The following GRK7 variants were observed in gnomAD, a reference collection of about 807,000 sequenced individuals.
The protein encoded by GRK7 is G protein-coupled receptor kinase 7.
A neutral mutation model predicts 34.1 loss-of-function variants in GRK7; 24 were observed. The ratio of observed to expected loss-of-function variants is 0.70; its 90% CI spans 0.51 to 0.99. The LOEUF (loss-of-function observed/expected upper bound fraction) is 0.99. GRK7 is among the 50% of genes least tolerant of loss of function. The pLI is 0.00. For missense variants in GRK7, 644 were observed against 707.3 expected (o/e 0.91, Z 1.02); for synonymous variants, 256 against 279.4 (o/e 0.92, Z 0.84).
the GRK7 span, among the ~76,000 whole-genome samples, chr3:141,751,644 GGAA>G: frequency 6.6e-6 from 1 of 152,158 alleles, no homozygotes; most frequent in Non-Finnish European, 1.5e-5. Flanking sequence ...ACCCTATTAA[GGAA>G]GAAAATAACA....
chr3:141,777,668 C>A (rs2084646838), intron 2 of GRK7, among the ~76,000 whole-genome samples: 1 of 151,638 alleles, frequency 6.6e-6, no homozygotes, highest in Non-Finnish European at 1.5e-5. Flanking sequence ...GCAAGCTATT[C>A]AGGGTGCATC....
chr3:141,790,378 A>C (rs185993863), intron 4 of GRK7, among the ~76,000 whole-genome samples: 22 of 152,304 alleles, frequency 1.4e-4, no homozygotes, highest in African/African-American at 4.8e-4. Flanking sequence ...TGACATTAGC[A>C]TATCTTCCCA....
chr3:141,753,775 A>G, the GRK7 span, among the ~76,000 whole-genome samples: 4 of 152,252 alleles, frequency 2.6e-5, no homozygotes, highest in Non-Finnish European at 4.4e-5. Flanking sequence ...TTGTTTTAAA[A>G]CACTAAGAGC....
At chr3:141,776,318 T>C (rs1464973138) in intron 2 of GRK7, among the ~76,000 whole-genome samples, 1 of 151,828 alleles carries the variant, frequency 6.6e-6, no homozygotes, top group Non-Finnish European at 1.5e-5. Context: ...AAAAAATATA[T>C]ATAAATATGT....
chr3:141,785,965 C>T (rs1237806318), intron 4 of GRK7, among the ~76,000 whole-genome samples: 3 of 151,436 alleles, frequency 2.0e-5, no homozygotes, highest in East Asian at 3.9e-4. Context: ...ATCTTTTGGC[C>T]TTTTCCTCCT....
At chr3:141,771,407 A>G (rs1036343418) in intron 1 of GRK7, among the ~76,000 whole-genome samples, 4 of 152,218 alleles carry the variant, frequency 2.6e-5, no homozygotes, top group Admixed American at 1.3e-4. Flanking sequence ...ATGTGTACAT[A>G]TGTACTTAGA....
intron 4 of GRK7, among the ~76,000 whole-genome samples, chr3:141,785,580 A>G (rs6787717): frequency 0.17 from 25,572 of 152,100 alleles, 5,992 homozygotes; most frequent in African/African-American, 0.53. Context: ...CCTGGCCAAC[A>G]TGTTGAAACC....
intron 4 of GRK7, among the ~76,000 whole-genome samples, chr3:141,784,038 G>C (rs1024301704): frequency 3.9e-5 from 6 of 152,160 alleles, no homozygotes; most frequent in African/African-American, 1.4e-4. Flanking sequence ...GTCGCCCATG[G>C]ACATGTATCA....
chr3:141,765,476 T>G lies in GRK7; in HGVS notation c.-477T>G, dbSNP rs949781605. ...GTTGGAAAACATGGCCACAGTATTTTACAGCTACTCCTATCAACCTGGGCT... is the reference window on the plus strand; with the variant it reads ...GTTGGAAAACATGGCCACAGTATTTGACAGCTACTCCTATCAACCTGGGCT... On this transcript the variant is annotated 5_prime_UTR_variant, in exon 1 of 6. Transcript: ENST00000682958. Among the ~76,000 whole-genome samples, 3 of 152,162 alleles carry G rather than the reference T, an allele frequency of 2.0e-5. No individual in the cohort carries two copies. The highest frequency in any genetic ancestry group is 7.2e-5 in the African/African-American group (3 of 41,442).
At chr3:141,807,491 A>G (rs1045893668) in intron 4 of GRK7, among the ~76,000 whole-genome samples, 154 bp from the exon 5 acceptor site, 2 of 152,194 alleles carry the variant, frequency 1.3e-5, no homozygotes, top group African/African-American at 4.8e-5. Flanking sequence ...CACAAAGAAT[A>G]GGTTAGACAC....
intron 4 of GRK7, among the ~76,000 whole-genome samples, chr3:141,802,366 T>TCTCACACACACACACACA (rs1553737502): frequency 2.7e-5 from 4 of 145,574 alleles, no homozygotes; most frequent in African/African-American, 1.0e-4. Flanking sequence ...TCTTTCTCTG[T>TCTCACACACACACACACA]CACACACACA....
In GRK7 at chr3:141,778,593, C is replaced by T; in HGVS notation, c.309C>T (p.Asp103=). 6.2e-7 allele frequency: 1 copy of T among 1,612,788 alleles called. No homozygotes were observed. The highest frequency in any genetic ancestry group is 8.5e-7 in the Non-Finnish European group (1 of 1,179,460). Residue 103 remains aspartate (D), a synonymous_variant, in exon 3 of 6, where the codon GAC becomes GAT. Coordinates refer to ENST00000682958, the MANE Select transcript of GRK7 (RefSeq NM_139209.3). The surrounding 1 kb of genome is among the most constrained non-coding windows in gnomAD (Gnocchi z 4.1). ...TGGCCGAGGAGGGACCCACCAAAGACAGCGCGCTGCAGGGGCTGGTGGCCA... is the reference window on the plus strand; with the variant it reads ...TGGCCGAGGAGGGACCCACCAAAGATAGCGCGCTGCAGGGGCTGGTGGCCA... ...WELAEEGPTK[D]SALQGLVATC...
chr3:141,753,075 T>A, the GRK7 span, among the ~76,000 whole-genome samples: 2 of 152,232 alleles, frequency 1.3e-5, no homozygotes, highest in Non-Finnish European at 2.9e-5. Flanking sequence ...GACTAATACC[T>A]GCCTAAGATG....
At chr3:141,797,253 C>T (rs890783811) in intron 4 of GRK7, among the ~76,000 whole-genome samples, 42 of 152,304 alleles carry the variant, frequency 2.8e-4, no homozygotes, top group African/African-American at 9.4e-4. Context: ...CAGGAAGTGG[C>T]GGCAGAAAGC....
intron 5 of GRK7, 36 bp downstream of exon 5, chr3:141,807,955 C>T: frequency 6.6e-7 from 1 of 1,521,494 alleles, no homozygotes; most frequent in Non-Finnish European, 8.8e-7. Context: ...TTGCTGACAC[C>T]AGTATTGTCC....
chr3:141,755,518 G>C, the GRK7 span, among the ~76,000 whole-genome samples: 2 of 152,196 alleles, frequency 1.3e-5, no homozygotes, highest in African/African-American at 4.8e-5. Context: ...GGTGGATATT[G>C]GGCAAAAGAA....
intron 4 of GRK7, among the ~76,000 whole-genome samples, chr3:141,804,410 A>C (rs554294468): frequency 6.6e-6 from 1 of 152,210 alleles, no homozygotes; most frequent in East Asian, 1.9e-4. Context: ...AATTCCTTAA[A>C]GCTCCCTCAA....
At chr3:141,777,689 A>G (rs1023805479) in intron 2 of GRK7, among the ~76,000 whole-genome samples, 65 of 151,664 alleles carry the variant, frequency 4.3e-4, no homozygotes, top group African/African-American at 1.4e-3. Flanking sequence ...TGCCCTGGCC[A>G]ACACTGGAGT....
chr3:141,770,627 A>C (rs1397974799), intron 1 of GRK7, among the ~76,000 whole-genome samples: 1 of 152,184 alleles, frequency 6.6e-6, no homozygotes, highest in African/African-American at 2.4e-5. Context: ...AAAAGAAGAC[A>C]TATAAATGGC....
Sources: gnomAD v4.1 joint callset for allele counts (sites outside exome capture counted in the v4.1 genomes callset) on GRCh38, gnomAD v4.1.1 for gene constraint, Gnocchi (gnomAD v3.1) non-coding constraint, MANE v1.5 for transcripts, NCBI Gene and HGNC (gene_info 2026-07-23, HGNC 2026-07-21) for gene names.